Variants in PMS2 observed in about 807,000 individuals in gnomAD.
PMS2 encodes the protein PMS1 homolog 2, mismatch repair system component.
A neutral mutation model predicts 90.0 loss-of-function variants in PMS2; 69 were observed. The observed-to-expected ratio is 0.77, with a 90% CI of 0.63 to 0.94. PMS2 has a LOEUF of 0.94. Ranked by LOEUF, PMS2 falls within the 40% of genes least tolerant of loss-of-function variation. The pLI, the probability that PMS2 is intolerant of heterozygous loss-of-function variation, is 0.00. For missense variants in PMS2, 966 were observed against 1,040.2 expected, an observed-to-expected ratio of 0.93 and a Z score of 0.98; for synonymous variants, 332 against 375.1, an observed-to-expected ratio of 0.89 and a Z score of 1.33.
Position 5,995,518 on chromosome 7 carries a change from A to T in PMS2, c.903+16T>A. On this transcript the variant is annotated intron_variant, in intron 8 of 14. Coordinates refer to ENST00000265849, the MANE Select transcript of PMS2 (RefSeq NM_000535.7). ...AAGGCATAAAGAACAAACTAACACA[A>T]AAAAATTTTAAATACCTTTGCTGGG... 6.3e-7 allele frequency: 1 copy of T among 1,585,254 alleles called. No homozygotes were observed. Among genetic ancestry groups the T allele is most frequent in the Non-Finnish European group, 8.7e-7 (1 of 1,153,726 alleles).
rs145455623 is a variant in PMS2, at chr7:6,000,724, C to T, written c.538-1449G>A. Among the ~76,000 whole-genome samples the T allele has an allele frequency of 1.8e-3, 273 of 152,018 alleles. 2 individuals carry two copies. Among genetic ancestry groups the T allele is most frequent in the African/African-American group, 6.5e-3 (268 of 41,462 alleles). On this transcript the variant is annotated intron_variant, in intron 5 of 14. Coordinates refer to ENST00000265849, the MANE Select transcript of PMS2 (RefSeq NM_000535.7). ...TAAAATTAGCAGCCAAGTGCAGTGG[C>T]TCACACCTGTAATCCCAGCACTTTG...
chr7:5,975,536 C>T (rs866600504), intron 14 of PMS2, among the ~76,000 whole-genome samples: 433 of 36,190 alleles, frequency 0.012, 20 homozygotes, highest in Middle Eastern at 0.028. Flanking sequence ...TCCATTCTAC[C>T]TTTTTTTTTT....
rs554131985 is a variant in PMS2, at chr7:5,989,048, A to G, written c.1144+752T>C. Among the ~76,000 whole-genome samples the G allele has an allele frequency of 4.4e-4, 67 of 152,102 alleles. 2 individuals carry two copies. Among genetic ancestry groups the G allele is most frequent in the South Asian group, 6.2e-4 (3 of 4,822 alleles). On this transcript the variant is annotated intron_variant, in intron 10 of 14. Coordinates refer to ENST00000265849, the MANE Select transcript of PMS2 (RefSeq NM_000535.7). Reference sequence around the variant, plus strand: ...TTTTTTGTATTTTTAGTAGAGACAGAGTTTCACCGTGTTAGATAGTCTCGA... The same window carrying G: ...TTTTTTGTATTTTTAGTAGAGACAGGGTTTCACCGTGTTAGATAGTCTCGA...
intron 2 of PMS2, among the ~76,000 whole-genome samples, chr7:6,004,765 C>G (rs1038700593): frequency 2.0e-5 from 3 of 151,528 alleles, no homozygotes; most frequent in Non-Finnish European, 4.4e-5. Context: ...CTTCCTGGAT[C>G]CTATTTTATC....
rs893680619 is a variant in PMS2, at chr7:5,979,724, T to C, written c.2175-1028A>G. On this transcript the variant is annotated intron_variant, in intron 12 of 14. Coordinates refer to ENST00000265849, the MANE Select transcript of PMS2 (RefSeq NM_000535.7). ...AAGATAGAGACAGGGTCTCACTATGTTGCCCAGGCTGCTCTCAAACTCCTG... is the reference window on the plus strand; with the variant it reads ...AAGATAGAGACAGGGTCTCACTATGCTGCCCAGGCTGCTCTCAAACTCCTG... Among the ~76,000 whole-genome samples the C allele has an allele frequency of 2.1e-4, 29 of 135,616 alleles. 2 individuals are homozygous for C. Among genetic ancestry groups the C allele is most frequent in the Non-Finnish European group, 3.5e-4 (22 of 62,258 alleles). The allele number at this position is 135,616 out of a possible 152,430, so 89.0% of individuals were successfully genotyped here.
chr7:5,999,076 T>G, intron 6 of PMS2, 32 bp downstream of exon 6: 1 of 1,598,526 alleles, frequency 6.3e-7, no homozygotes, highest in African/African-American at 1.3e-5. Context: ...ACTAGAGCAA[T>G]AAGAGGCGTT....
At position 5,986,901 on chromosome 7, in the gene PMS2, T is replaced by C. The variant is rs370853512; in HGVS notation, c.1864A>G (p.Met622Val). The C allele has an allele frequency of 1.2e-4, 186 of 1,614,126 alleles. 2 individuals carry two copies. In the South Asian group the frequency reaches 2.0e-3, roughly 17 times the overall value. ...NKKVVPLDFS[M>V]SSLAKRIKQL... ...TTTATTCGTTTAGCTAAAGAACTCA[T>C]AGAAAAGTCCAGGGGCACAACTTTC... Residue 622 changes from methionine (M) to valine (V), a missense_variant, in exon 11 of 15, where the codon ATG becomes GTG. By Grantham distance (21) the Met-to-Val change is conservative. Around this residue, in one of 2 missense-constraint regions of PMS2, gnomAD observed 871 missense variants for 802.4 expected, o/e 1.09. Transcript: ENST00000265849.
intron 10 of PMS2, among the ~76,000 whole-genome samples, chr7:5,989,367 A>C (rs1335383931): frequency 6.6e-6 from 1 of 152,064 alleles, no homozygotes; most frequent in Non-Finnish European, 1.5e-5. Flanking sequence ...GGAGGCTTCA[A>C]GGTTGCAGTG....
At chr7:6,007,368 G>A (rs188543027) in intron 1 of PMS2, among the ~76,000 whole-genome samples, 1 of 152,020 alleles carries the variant, frequency 6.6e-6, no homozygotes, top group African/African-American at 2.4e-5. Flanking sequence ...CGCCTGCCTC[G>A]GCCTCCCAAA....
rs562762722 is a variant in PMS2, at chr7:6,003,804, T to G, written c.251-12A>C. 5.8e-6 allele frequency: 9 copies of G among 1,553,604 alleles called. No individual in the cohort carries two copies. Among genetic ancestry groups the G allele is most frequent in the Middle Eastern group, 1.7e-4 (1 of 5,974 alleles). On this transcript the variant is annotated splice_polypyrimidine_tract_variant and intron_variant, in intron 3 of 14. Coordinates refer to ENST00000265849, the MANE Select transcript of PMS2 (RefSeq NM_000535.7). ...GTGATGTTTCAGAGCTGAAAGAGAG[T>G]GTAAAGTAAGGACTAAGATATCTCA...
intron 12 of PMS2, among the ~76,000 whole-genome samples, chr7:5,982,385 A>G (rs1170460375): frequency 1.3e-5 from 2 of 152,180 alleles, no homozygotes; most frequent in Non-Finnish European, 2.9e-5. Context: ...TTGTATTTTT[A>G]GTAGAGACAG....
chr7:5,995,815 C>T (rs2128777759), intron 7 of PMS2, among the ~76,000 whole-genome samples, 182 bp from the exon 8 acceptor site: 1 of 152,142 alleles, frequency 6.6e-6, no homozygotes, highest in East Asian at 1.9e-4. Context: ...AAGAACCAAA[C>T]CTTCTGGAAT....
rs1376423723 is a variant in PMS2 at position 5,978,115 on chromosome 7, C to T, written c.2276-358G>A. 2.0e-5 allele frequency among the ~76,000 whole-genome samples: 3 copies of T among 149,156 alleles called. 1 individual carries two copies. The highest frequency in any genetic ancestry group is 4.5e-5 in the Non-Finnish European group (3 of 67,078). On this transcript the variant is annotated intron_variant, in intron 13 of 14. Coordinates refer to ENST00000265849, the MANE Select transcript of PMS2 (RefSeq NM_000535.7). ...CAGCCTGGGCGACAGAGCAAGACTC[C>T]ATCTCAGAAAAAAAAAAAGTGAACA... is the stretch of plus-strand genomic sequence containing the variant.
At chr7:5,993,457 A>C (rs1386504720) in intron 8 of PMS2, among the ~76,000 whole-genome samples, 1 of 151,806 alleles carries the variant, frequency 6.6e-6, no homozygotes. Context: ...AACTCAAAAA[A>C]CCCATGTCAT....
chr7:5,976,060 GA>G (rs1171108698), intron 14 of PMS2, among the ~76,000 whole-genome samples: 2 of 144,904 alleles, frequency 1.4e-5, no homozygotes, highest in Non-Finnish European at 3.1e-5. Flanking sequence ...CCAACATGGT[GA>G]AACCCCATCT....
chr7:5,989,989 T>C (rs1204743322), intron 9 of PMS2, 34 bp from the exon 10 acceptor site: 2 of 1,332,254 alleles, frequency 1.5e-6, no homozygotes, highest in Non-Finnish European at 2.1e-6. Flanking sequence ...TTATTATGTT[T>C]AAATTCACTT....
upstream of PMS2, chr7:6,009,069 C>A (rs557908122): frequency 2.5e-6 from 4 of 1,601,654 alleles, no homozygotes; most frequent in East Asian, 2.2e-5. Context: ...CCCTCCAGGG[C>A]TCCCACAGGC....
chr7:5,995,751 G>T, intron 7 of PMS2, 118 bp from the exon 8 acceptor site: 1 of 769,722 alleles, frequency 1.3e-6, no homozygotes. Context: ...ATGCTGATAA[G>T]GATCACTATT....
Position 5,987,308 on chromosome 7 carries a change from T to C in PMS2, c.1457A>G (p.Asp486Gly), listed in dbSNP as rs899935666. ...CGAGTCCTTCTCCACCTCCGCTCTGTCCGTAGGGTCACTGGGTCCGTGACT... is the reference window on the plus strand; with the variant it reads ...CGAGTCCTTCTCCACCTCCGCTCTGCCCGTAGGGTCACTGGGTCCGTGACT... ...SSSHGPSDPT[D>G]RAEVEKDSGH... Residue 486 changes from aspartate (D) to glycine (G), a missense_variant, in exon 11 of 15, where the codon GAC becomes GGC. Physicochemically the swap from Asp to Gly is moderately conservative, Grantham distance 94. Transcript: ENST00000265849. 1 of 1,614,166 alleles carries C rather than the reference T, an allele frequency of 6.2e-7. No individual in the cohort carries two copies. Among genetic ancestry groups the C allele is most frequent in the East Asian group, 2.2e-5 (1 of 44,882 alleles).
Sources: allele counts gnomAD v4.1 joint callset (sites outside exome capture counted in the v4.1 genomes callset), GRCh38; gene constraint gnomAD v4.1.1; regional missense constraint gnomAD v4.1.1; transcripts MANE v1.5; gene names NCBI Gene and HGNC (gene_info 2026-07-23, HGNC 2026-07-21).